CDH20: variants seen among roughly 807,000 people sequenced by gnomAD.
CDH20 encodes the protein cadherin 20, also known as cadherin-20.
CDH20 carries 29 observed loss-of-function variants against 74.2 expected under a neutral mutation model. That is an observed-to-expected ratio of 0.39 (90% CI 0.29 to 0.53). The LOEUF (loss-of-function observed/expected upper bound fraction) is 0.53. Among genes scored for constraint, CDH20 ranks in the 20% least tolerant of loss-of-function variants. The pLI is 0.69. For missense variants in CDH20, 988 were observed against 1,048.3 expected (o/e 0.94, Z 0.79); for synonymous variants, 469 against 405.4 (o/e 1.16, Z -1.88).
intron 6 of CDH20, among the ~76,000 whole-genome samples, chr18:61,526,562 T>C (rs1912421512): frequency 6.6e-6 from 1 of 152,202 alleles, no homozygotes; most frequent in African/African-American, 2.4e-5. Context: ...TTGTGGGACT[T>C]AACATTCCGA....
At chr18:61,521,016 AG>A (rs1428052529) in intron 6 of CDH20, among the ~76,000 whole-genome samples, 11 of 151,294 alleles carry the variant, frequency 7.3e-5, no homozygotes, top group African/African-American at 1.2e-4. Flanking sequence ...TAAAAGAACT[AG>A]AGAAGCAAGA....
Position 61,521,051 on chromosome 18 carries a change from G to T in CDH20, c.1018-6916G>T, listed in dbSNP as rs984303230. Among the ~76,000 whole-genome samples, 6 of 150,522 alleles carry T rather than the reference G, an allele frequency of 4.0e-5. 1 individual carries two copies. The highest frequency in any genetic ancestry group is 8.9e-5 in the Non-Finnish European group (6 of 67,666). ...GAGCAAATAAATTCAAAAGCTAGCA[G>T]AAGACAAGAAGTAACTAAGATCAGA... On this transcript the variant is annotated intron_variant, in intron 6 of 11. Coordinates refer to ENST00000262717, the MANE Select transcript of CDH20 (RefSeq NM_031891.4).
At chr18:61,461,147 T>C (rs1909754294) in intron 1 of CDH20, among the ~76,000 whole-genome samples, 1 of 152,074 alleles carries the variant, frequency 6.6e-6, no homozygotes, top group Non-Finnish European at 1.5e-5. Flanking sequence ...TTGAATTTAA[T>C]ATTAATTGGG....
At chr18:61,340,561 T>A (rs1356953606) in intron 1 of CDH20, among the ~76,000 whole-genome samples, 1 of 152,226 alleles carries the variant, frequency 6.6e-6, no homozygotes, top group Non-Finnish European at 1.5e-5. Flanking sequence ...TAGCAGCTTA[T>A]ATAAATTGAG....
rs1909639438 is a variant in CDH20 at position 61,333,585 on chromosome 18, T to C, written c.-395T>C. 6.7e-6 allele frequency: 1 copy of C among 148,542 alleles called. No individual in the cohort carries two copies. Among genetic ancestry groups the C allele is most frequent in the Admixed American group, 6.9e-5 (1 of 14,404 alleles). 9.2% of individuals were successfully genotyped at this position (148,542 alleles called of 1,614,324 possible). A position where few individuals can be genotyped will look rare whatever the true frequency, so the allele number is the denominator to read the frequency against. Reference sequence around the variant, plus strand: ...AGGGCATCGGCGGGGTTGGTGCACTTGGCAGTACCCCCCAACTCCTGGCAA... The same window carrying C: ...AGGGCATCGGCGGGGTTGGTGCACTCGGCAGTACCCCCCAACTCCTGGCAA... On this transcript the variant is annotated 5_prime_UTR_variant, in exon 1 of 12. Transcript: ENST00000262717.
chr18:61,461,828 G>C (rs780046411), intron 1 of CDH20, among the ~76,000 whole-genome samples: 3 of 152,166 alleles, frequency 2.0e-5, no homozygotes, highest in Non-Finnish European at 1.5e-5. Context: ...CCTTGCAAAT[G>C]AAGTAGTGGC....
At chr18:61,525,765 T>G (rs1912374411) in intron 6 of CDH20, among the ~76,000 whole-genome samples, 1 of 152,172 alleles carries the variant, frequency 6.6e-6, no homozygotes, top group Admixed American at 6.5e-5. Flanking sequence ...TGCATTAAAT[T>G]ATTACATGTA....
intron 1 of CDH20, chr18:61,404,957 T>C (rs1338647206): frequency 4.2e-6 from 3 of 711,566 alleles, no homozygotes; most frequent in Admixed American, 3.6e-5. Flanking sequence ...TTCCTCATGC[T>C]GCGCCCAGTT....
chr18:61,487,204 A>G (rs1046130334), intron 1 of CDH20, among the ~76,000 whole-genome samples: 2 of 152,212 alleles, frequency 1.3e-5, no homozygotes, highest in African/African-American at 4.8e-5. Flanking sequence ...ATACACATGT[A>G]TCAGTATCTT....
rs953015165 is a variant in CDH20 at position 61,482,838 on chromosome 18, T to C, written c.-152-7564T>C. The stretch of plus-strand genomic sequence containing the variant: ...TGTTCAAAAACCTTCAGTTGCTCAC[T>C]ATGAACTATGGAGTATATTCCAAAT... On this transcript the variant is annotated intron_variant, in intron 1 of 11. Transcript: ENST00000262717. Among the ~76,000 whole-genome samples the C allele has an allele frequency of 2.0e-5, 3 of 152,154 alleles. No homozygotes were observed. The East Asian group carries it at 5.8e-4, about 29-fold the overall frequency.
intron 1 of CDH20, among the ~76,000 whole-genome samples, chr18:61,390,097 C>T (rs929947195): frequency 2.6e-5 from 4 of 152,130 alleles, no homozygotes; most frequent in Non-Finnish European, 5.9e-5. Context: ...ACCCCCACCC[C>T]ATCTATTGTC....
chr18:61,495,936 T>C (rs940639789), intron 2 of CDH20, among the ~76,000 whole-genome samples: 37 of 152,106 alleles, frequency 2.4e-4, no homozygotes, highest in Admixed American at 5.2e-4. Context: ...AAAGCTGAGA[T>C]GCTTCCTGCT....
chr18:61,492,093 T>C (rs1470429490), intron 2 of CDH20, among the ~76,000 whole-genome samples: 1 of 152,142 alleles, frequency 6.6e-6, no homozygotes, highest in East Asian at 1.9e-4. Flanking sequence ...ACTGCACATG[T>C]GACATCTCCA....
chr18:61,356,132 T>A (rs1472961097), intron 1 of CDH20, among the ~76,000 whole-genome samples: 1 of 152,236 alleles, frequency 6.6e-6, no homozygotes, highest in African/African-American at 2.4e-5. Flanking sequence ...AATTCTGTAA[T>A]GCTAGACATG....
At chr18:61,371,404 C>G (rs1335324457) in intron 1 of CDH20, among the ~76,000 whole-genome samples, 2 of 151,954 alleles carry the variant, frequency 1.3e-5, no homozygotes, top group African/African-American at 4.8e-5. Flanking sequence ...CTACAATCTT[C>G]TTTGAGGTTG....
At chr18:61,500,781 A>G (rs765622034) in intron 4 of CDH20, among the ~76,000 whole-genome samples, 2 of 152,188 alleles carry the variant, frequency 1.3e-5, no homozygotes, top group African/African-American at 2.4e-5. Context: ...AAAAAATCCT[A>G]TGGTTATATT....
chr18:61,539,260 AAACAGAGTCCCT>A, intron 9 of CDH20, 115 bp downstream of exon 9: 2 of 1,003,178 alleles, frequency 2.0e-6, no homozygotes, highest in South Asian at 3.0e-5. Flanking sequence ...ACAGTTCACA[AAACAGAGTCCCT>A]AATTCCCGTA....
intron 1 of CDH20, among the ~76,000 whole-genome samples, chr18:61,440,001 T>G (rs1454621575): frequency 6.6e-6 from 1 of 152,232 alleles, no homozygotes; most frequent in Non-Finnish European, 1.5e-5. Context: ...CTTACTGCAT[T>G]AATGAGTTCC....
intron 11 of CDH20, among the ~76,000 whole-genome samples, chr18:61,551,804 A>G (rs1232127527): frequency 6.6e-6 from 1 of 152,154 alleles, no homozygotes. Flanking sequence ...CCTTACTTCT[A>G]TCTTTGGAAA....
Sources: allele counts gnomAD v4.1 joint callset (sites outside exome capture counted in the v4.1 genomes callset), GRCh38; gene constraint gnomAD v4.1.1; transcripts MANE v1.5; gene names NCBI Gene and HGNC (gene_info 2026-07-23, HGNC 2026-07-21).